PRPSAP1: variants seen among roughly 807,000 people sequenced by gnomAD.
PRPSAP1 encodes the protein phosphoribosyl pyrophosphate synthase-associated protein 1.
A neutral mutation model predicts 39.4 loss-of-function variants in PRPSAP1; 31 were observed. The ratio of observed to expected loss-of-function variants is 0.79; its 90% CI spans 0.59 to 1.06. The LOEUF is 1.06. Among genes scored for constraint, PRPSAP1 ranks in the 50% least tolerant of loss-of-function variants. PRPSAP1 has a pLI of 0.00. For synonymous variants in PRPSAP1, 212 were observed against 192.6 expected (o/e 1.10, Z -0.83); for missense variants, 430 against 511.6 (o/e 0.84, Z 1.54).
Position 76,311,316 on chromosome 17 carries a change from C to CA in PRPSAP1, c.*225dup. Reference sequence around the variant, plus strand: ...GAAAGCAGCTAGAACTTTTAAGGAACAGGGCTGATGACAGCAGACATGTAA... The same window carrying CA: ...GAAAGCAGCTAGAACTTTTAAGGAACAAGGGCTGATGACAGCAGACATGTAA... On this transcript the variant is annotated 3_prime_UTR_variant, in exon 10 of 10. Coordinates refer to ENST00000446526, the MANE Select transcript of PRPSAP1 (RefSeq NM_002766.3). 1 of 413,000 alleles carries CA rather than the reference C, an allele frequency of 2.4e-6. No individual in the cohort carries two copies. The highest frequency in any genetic ancestry group is 4.2e-6 in the Non-Finnish European group (1 of 235,890). The allele number at this position is 413,000 out of a possible 1,614,324, so 25.6% of individuals were successfully genotyped here.
intron 8 of PRPSAP1, 101 bp from the exon 9 acceptor site, chr17:76,313,117 G>C (rs2071086958): frequency 7.2e-7 from 1 of 1,382,400 alleles, no homozygotes; most frequent in Non-Finnish European, 9.6e-7. Flanking sequence ...AGTTTCAGAG[G>C]ATTTCTGATG....
intron 2 of PRPSAP1, among the ~76,000 whole-genome samples, chr17:76,345,175 C>T (rs1251293914): frequency 7.0e-6 from 1 of 142,972 alleles, no homozygotes; most frequent in Non-Finnish European, 1.5e-5. Context: ...GCAGAGCTTG[C>T]AGTGAGCCGA....
chr17:76,346,060 G>T (rs995474230), intron 2 of PRPSAP1: 53 of 402,104 alleles, frequency 1.3e-4, no homozygotes, highest in African/African-American at 1.0e-3. Flanking sequence ...GGGAAGTGGA[G>T]ATGCCTGAAC....
At chr17:76,348,651 A>C (rs1468319719) in intron 1 of PRPSAP1, 70 bp from the exon 2 acceptor site, 2 of 1,132,300 alleles carry the variant, frequency 1.8e-6, no homozygotes, top group Non-Finnish European at 2.5e-6. Context: ...GTTCATATGC[A>C]TATGTCTAAT....
rs1056959608 is a variant in PRPSAP1, at chr17:76,332,117, C to A, written c.463+146G>T. The A allele has an allele frequency of 7.8e-6, 7 of 894,956 alleles. No individual in the cohort carries two copies. The Admixed American group carries it at 1.7e-4, about 21-fold the overall frequency. 55.4% of individuals were successfully genotyped at this position (894,956 alleles called of 1,614,324 possible). On this transcript the variant is annotated intron_variant, in intron 4 of 9. Transcript: ENST00000446526. ...TAAGGGAAAAAAAAGAATTTCTAAC[C>A]GAGCTCACATATCCTTAGCCAAAAC...
intron 7 of PRPSAP1, among the ~76,000 whole-genome samples, chr17:76,326,555 A>G (rs2071258119): frequency 6.6e-6 from 1 of 152,192 alleles, no homozygotes; most frequent in Non-Finnish European, 1.5e-5. Context: ...GGACACAAAC[A>G]AGCCCCAATT....
At chr17:76,332,517 G>T in intron 3 of PRPSAP1, 82 bp from the exon 4 acceptor site, 2 of 1,498,152 alleles carry the variant, frequency 1.3e-6, no homozygotes, top group South Asian at 1.2e-5. Flanking sequence ...AACTTAACAT[G>T]GGCTGCCCAG....
Position 76,330,555 on chromosome 17 carries a change from T to G in PRPSAP1, c.575A>C (p.Glu192Ala). 1 of 1,595,668 alleles carries G rather than the reference T, an allele frequency of 6.3e-7. No homozygotes were observed. The part of the protein sequence containing the change: ...ASPFLLQYIQ[E>A]EIPNYRNAVI... ...TGTTTGCTGGTGGTTCCTCACTTCT[T>G]CCTGGATATACTGAAGCAGGAAAGG... Residue 192 changes from glutamate (E) to alanine (A), a missense_variant, in exon 5 of 10, where the codon GAA becomes GCA. Glu to Ala is a moderately radical substitution (Grantham distance 107, BLOSUM62 -1). This residue lies in a region of PRPSAP1 where 278 missense variants were observed against 376.3 expected (regional missense o/e 0.74). Coordinates refer to ENST00000446526, the MANE Select transcript of PRPSAP1 (RefSeq NM_002766.3).
At chr17:76,324,545 G>A (rs1383548421) in intron 7 of PRPSAP1, among the ~76,000 whole-genome samples, 1 of 151,534 alleles carries the variant, frequency 6.6e-6, no homozygotes, top group East Asian at 1.9e-4. Context: ...AAGTTGCAGT[G>A]AGCCAAGACT....
At chr17:76,338,371 G>C (rs1353035589) in intron 3 of PRPSAP1, among the ~76,000 whole-genome samples, 1 of 152,140 alleles carries the variant, frequency 6.6e-6, no homozygotes, top group East Asian at 1.9e-4. Context: ...AGAAAAACCT[G>C]TAAAAGATAT....
chr17:76,350,636 A>T (rs1460748062), intron 1 of PRPSAP1, among the ~76,000 whole-genome samples: 1 of 152,122 alleles, frequency 6.6e-6, no homozygotes, highest in Non-Finnish European at 1.5e-5. Flanking sequence ...ATGGGTACAG[A>T]GTTTCTGTTT....
At chr17:76,312,717 T>C in intron 9 of PRPSAP1, 153 bp downstream of exon 9, 1 of 951,082 alleles carries the variant, frequency 1.1e-6, no homozygotes, top group Non-Finnish European at 1.5e-6. Flanking sequence ...ACTATCTGTA[T>C]TCCTAAACAT....
intron 1 of PRPSAP1, among the ~76,000 whole-genome samples, chr17:76,348,822 C>T (rs979272735): frequency 2.6e-5 from 4 of 152,140 alleles, no homozygotes; most frequent in Admixed American, 6.6e-5. Flanking sequence ...ATGTCTGGTG[C>T]GCGTTGTTCT....
At chr17:76,344,761 GT>G in intron 2 of PRPSAP1, 24 bp from the exon 3 acceptor site, 1 of 1,513,796 alleles carries the variant, frequency 6.6e-7, no homozygotes, top group East Asian at 2.3e-5. Flanking sequence ...ATGTTCTGAA[GT>G]TTTAAGAAAA....
intron 9 of PRPSAP1, 104 bp downstream of exon 9, chr17:76,312,766 A>G: frequency 4.2e-6 from 6 of 1,417,342 alleles, no homozygotes; most frequent in Non-Finnish European, 5.6e-6. Context: ...CAAAAGCTAG[A>G]AAAGCTATAG....
chr17:76,328,410 AC>A (rs1182004825), intron 7 of PRPSAP1, among the ~76,000 whole-genome samples: 1 of 151,938 alleles, frequency 6.6e-6, no homozygotes, highest in Non-Finnish European at 1.5e-5. Context: ...GGAGTTTGAG[AC>A]CAGCCTGGCC....
intron 6 of PRPSAP1, among the ~76,000 whole-genome samples, chr17:76,329,213 G>A (rs2071291012): frequency 6.6e-6 from 1 of 152,018 alleles, no homozygotes; most frequent in Non-Finnish European, 1.5e-5. Flanking sequence ...GGGGACCACA[G>A]GCATGTGTTG....
At chr17:76,318,938 TTTTTTA>T (rs2071155228) in intron 7 of PRPSAP1, among the ~76,000 whole-genome samples, 1 of 152,088 alleles carries the variant, frequency 6.6e-6, no homozygotes, top group Non-Finnish European at 1.5e-5. Context: ...TTCTCGGTCT[TTTTTTA>T]TTTTTATTTT....
intron 7 of PRPSAP1, among the ~76,000 whole-genome samples, chr17:76,315,952 C>A (rs764257199): frequency 4.6e-5 from 7 of 151,248 alleles, no homozygotes; most frequent in African/African-American, 7.3e-5. Context: ...CCAAGGCAGG[C>A]GGATCACCTG....
Sources: gnomAD v4.1 joint callset for allele counts (sites outside exome capture counted in the v4.1 genomes callset) on GRCh38, gnomAD v4.1.1 for gene constraint, gnomAD v4.1.1 regional missense constraint, MANE v1.5 for transcripts, NCBI Gene and HGNC (gene_info 2026-07-23, HGNC 2026-07-21) for gene names.